TULP4: variants seen among roughly 807,000 people sequenced by gnomAD.
TULP4 encodes the protein TUB like protein 4, also known as tubby-related protein 4.
TULP4 carries 16 observed loss-of-function variants against 129.0 expected under a neutral mutation model. That is an observed-to-expected ratio of 0.12 (90% CI 0.08 to 0.19). The LOEUF (loss-of-function observed/expected upper bound fraction) is 0.19. Ranked by LOEUF, TULP4 falls within the 10% of genes least tolerant of loss-of-function variation. The probability of loss-of-function intolerance (pLI) is 1.00; values close to 1 mark genes in which losing one functional copy is unlikely to be tolerated. For missense variants in TULP4, 1,842 were observed against 2,059.1 expected, an observed-to-expected ratio of 0.89 and a Z score of 2.04; for synonymous variants, 998 against 854.0, an observed-to-expected ratio of 1.17 and a Z score of -2.94.
intron 1 of TULP4, among the ~76,000 whole-genome samples, chr6:158,243,205 G>A (rs933851973): frequency 6.6e-6 from 1 of 152,018 alleles, no homozygotes; most frequent in Admixed American, 6.6e-5. Flanking sequence ...TACCTCTCAC[G>A]TCCCTCCACT....
At chr6:158,401,102 G>C (rs1777837485) in intron 1 of TULP4, among the ~76,000 whole-genome samples, 1 of 151,684 alleles carries the variant, frequency 6.6e-6, no homozygotes, top group Admixed American at 6.6e-5. Context: ...TTTTGAGACA[G>C]GTTCTCTTGT....
chr6:158,385,425 G>A (rs1777417963), intron 1 of TULP4, among the ~76,000 whole-genome samples: 1 of 152,034 alleles, frequency 6.6e-6, no homozygotes. Flanking sequence ...GCATTTTGTG[G>A]CAGAAAGAGC....
chr6:158,330,108 A>C (rs534880285), intron 1 of TULP4, among the ~76,000 whole-genome samples: 1 of 147,758 alleles, frequency 6.8e-6, no homozygotes, highest in African/African-American at 2.5e-5. Context: ...TGTAATCGAT[A>C]TACAAACTAC....
rs376537934 is a variant in TULP4, at chr6:158,306,125, C to T, written n.117-5926C>T. 4.6e-5 allele frequency among the ~76,000 whole-genome samples: 7 copies of T among 152,196 alleles called. No homozygotes were observed. The South Asian group carries it at 1.5e-3, about 32-fold the overall frequency. On this transcript the variant is annotated intron_variant and non_coding_transcript_variant, in intron 1 of 1. Coordinates refer to the TULP4 transcript ENST00000432358. ...AATTAAAAAAAACTGCCATATTTGTCTAGCATATATGGCGTTTTATGATTT... is the reference window on the plus strand; with the variant it reads ...AATTAAAAAAAACTGCCATATTTGTTTAGCATATATGGCGTTTTATGATTT...
At chr6:158,349,367 G>A (rs145850465) in intron 1 of TULP4, among the ~76,000 whole-genome samples, 5,760 of 130,924 alleles carry the variant, frequency 0.044, 227 homozygotes, top group African/African-American at 0.07. Flanking sequence ...CAGATGGGGC[G>A]GCCGGGCAGA....
chr6:158,268,870 TA>T (rs1778497939), intron 1 of TULP4, among the ~76,000 whole-genome samples: 1 of 152,240 alleles, frequency 6.6e-6, no homozygotes, highest in African/African-American at 2.4e-5. Flanking sequence ...TGATACTGAA[TA>T]GCACTTTTGG....
intron 4 of TULP4, among the ~76,000 whole-genome samples, chr6:158,450,905 GA>G (rs891724261): frequency 2.3e-4 from 35 of 149,018 alleles, no homozygotes; most frequent in Middle Eastern, 3.5e-3. Context: ...AAATACAAAA[GA>G]AAAAAAAAAT....
At chr6:158,389,427 C>T (rs1199339919) in intron 1 of TULP4, among the ~76,000 whole-genome samples, 1 of 152,072 alleles carries the variant, frequency 6.6e-6, no homozygotes, top group Admixed American at 6.5e-5. Context: ...ACTCCACATC[C>T]TGGGTGACAG....
At chr6:158,424,513 G>C (rs1043154860) in intron 2 of TULP4, among the ~76,000 whole-genome samples, 1 of 152,156 alleles carries the variant, frequency 6.6e-6, no homozygotes, top group African/African-American at 2.4e-5. Flanking sequence ...GCCTCCCAAA[G>C]TGCTGGGATT....
intron 1 of TULP4, among the ~76,000 whole-genome samples, chr6:158,240,911 C>A (rs1311300352): frequency 1.4e-5 from 2 of 140,474 alleles, no homozygotes; most frequent in African/African-American, 5.2e-5. Context: ...CTTCCCAGAT[C>A]GGGTGGCTGC....
At chr6:158,447,602 T>C (rs1236884936) in intron 3 of TULP4, among the ~76,000 whole-genome samples, 2 of 152,210 alleles carry the variant, frequency 1.3e-5, no homozygotes, top group East Asian at 1.9e-4. Flanking sequence ...GCAATAAATA[T>C]TTACTGAGTG....
chr6:158,401,987 A>C (rs1777862419), intron 1 of TULP4, among the ~76,000 whole-genome samples: 1 of 152,166 alleles, frequency 6.6e-6, no homozygotes, highest in African/African-American at 2.4e-5. Context: ...CTCTACAAAT[A>C]AGTGCTGGAA....
chr6:158,411,933 G>A (rs1227789789), intron 1 of TULP4, among the ~76,000 whole-genome samples: 1 of 152,196 alleles, frequency 6.6e-6, no homozygotes, highest in African/African-American at 2.4e-5. Context: ...ATTAACACCA[G>A]TGCCACATGT....
chr6:158,386,395 G>A (rs1777449176), intron 1 of TULP4, among the ~76,000 whole-genome samples: 1 of 152,110 alleles, frequency 6.6e-6, no homozygotes, highest in Non-Finnish European at 1.5e-5. Flanking sequence ...AAAATAATTT[G>A]GAGGACATCC....
intron 1 of TULP4, among the ~76,000 whole-genome samples, chr6:158,298,444 T>A (rs1262956617): frequency 1.3e-5 from 2 of 152,204 alleles, no homozygotes; most frequent in Non-Finnish European, 2.9e-5. Flanking sequence ...GTCCCTCCGT[T>A]TGGGGTCCCT....
intron 4 of TULP4, among the ~76,000 whole-genome samples, chr6:158,451,359 C>A (rs865929713): frequency 1.3e-5 from 2 of 152,236 alleles, no homozygotes. Context: ...CCTCTGCAGA[C>A]AACTGGCAGG....
At chr6:158,430,117 T>C (rs1320547105) in intron 3 of TULP4, among the ~76,000 whole-genome samples, 2 of 152,232 alleles carry the variant, frequency 1.3e-5, no homozygotes, top group African/African-American at 2.4e-5. Flanking sequence ...TAAGTTAACA[T>C]TTTAATTATA....
chr6:158,499,633 A>G (rs1007384463), intron 12 of TULP4, among the ~76,000 whole-genome samples: 26 of 152,140 alleles, frequency 1.7e-4, no homozygotes, highest in African/African-American at 5.3e-4. Context: ...TCTACTTCCA[A>G]CTAAGTGGGC....
At chr6:158,357,950 A>T (rs1780685046) in intron 1 of TULP4, among the ~76,000 whole-genome samples, 1 of 152,190 alleles carries the variant, frequency 6.6e-6, no homozygotes, top group East Asian at 1.9e-4. Context: ...TGTGACGCTC[A>T]TTCTTCTGGA....
Sources: gnomAD v4.1 joint callset for allele counts (sites outside exome capture counted in the v4.1 genomes callset) on GRCh38, gnomAD v4.1.1 for gene constraint, MANE v1.5 for transcripts, NCBI Gene and HGNC (gene_info 2026-07-23, HGNC 2026-07-21) for gene names.